Variants in BMPR1A observed in about 807,000 individuals in gnomAD.
BMPR1A encodes bone morphogenetic protein receptor type-1A.
A neutral mutation model predicts 66.0 loss-of-function variants in BMPR1A; 7 were observed. The observed-to-expected ratio is 0.11, with a 90% CI of 0.06 to 0.20. The LOEUF is 0.20. BMPR1A is among the 10% of genes least tolerant of loss of function. BMPR1A has a pLI of 1.00. For synonymous variants in BMPR1A, 200 were observed against 229.7 expected (o/e 0.87, Z 1.17); for missense variants, 408 against 669.1 (o/e 0.61, Z 4.31).
chr10:86,834,065 C>T (rs1204642807), intron 1 of BMPR1A, among the ~76,000 whole-genome samples: 1 of 152,122 alleles, frequency 6.6e-6, no homozygotes, highest in East Asian at 1.9e-4. Context: ...GTGTTTTTAC[C>T]TGGGTCTTTT....
At chr10:86,771,615 T>C (rs191175816) in intron 1 of BMPR1A, among the ~76,000 whole-genome samples, 117 of 152,322 alleles carry the variant, frequency 7.7e-4, no homozygotes, top group Non-Finnish European at 1.5e-3. Flanking sequence ...CACATAATTA[T>C]ATTGTCAAAT....
intron 1 of BMPR1A, among the ~76,000 whole-genome samples, chr10:86,760,969 AT>A (rs1841045869): frequency 6.6e-6 from 1 of 152,230 alleles, no homozygotes; most frequent in Non-Finnish European, 1.5e-5. Context: ...GAAGCCATTG[AT>A]TGTAAGGTGC....
chr10:86,760,571 A>C (rs1242946830), intron 1 of BMPR1A, among the ~76,000 whole-genome samples: 1 of 152,190 alleles, frequency 6.6e-6, no homozygotes, highest in African/African-American at 2.4e-5. Context: ...TAGTTTCACT[A>C]CTAGTTTGCA....
intron 1 of BMPR1A, among the ~76,000 whole-genome samples, chr10:86,792,924 A>T (rs976028929): frequency 1.3e-5 from 2 of 152,158 alleles, no homozygotes; most frequent in African/African-American, 4.8e-5. Context: ...TAGCACCTAT[A>T]TCAAGGAGTA....
chr10:86,865,309 C>T (rs1261729365), intron 2 of BMPR1A, among the ~76,000 whole-genome samples: 1 of 152,124 alleles, frequency 6.6e-6, no homozygotes, highest in Non-Finnish European at 1.5e-5. Context: ...TGAAAATGGC[C>T]AGTCCTTGCC....
intron 2 of BMPR1A, among the ~76,000 whole-genome samples, chr10:86,846,222 A>G (rs1842483639): frequency 6.6e-6 from 1 of 152,024 alleles, no homozygotes; most frequent in Non-Finnish European, 1.5e-5. Context: ...GTTAGCTGGC[A>G]TTTGGCAGTG....
chr10:86,835,749 T>A (rs565558469), intron 1 of BMPR1A, among the ~76,000 whole-genome samples: 2 of 152,178 alleles, frequency 1.3e-5, no homozygotes, highest in South Asian at 2.1e-4. Flanking sequence ...GCATGGGTAG[T>A]GAGCTTTAAA....
intron 2 of BMPR1A, among the ~76,000 whole-genome samples, chr10:86,864,691 C>G (rs1842757822): frequency 6.6e-6 from 1 of 152,178 alleles, no homozygotes; most frequent in Non-Finnish European, 1.5e-5. Context: ...TCCCCTTGGG[C>G]ACTCTCTAAT....
rs1397892484 is a variant in BMPR1A, at chr10:86,925,606, TAC to T, written c.*1889_*1890del. 5.0e-6 allele frequency: 1 copy of T among 199,696 alleles called. No homozygotes were observed. The highest frequency in any genetic ancestry group is 1.0e-5 in the Non-Finnish European group (1 of 97,070). 12.4% of individuals were successfully genotyped at this position (199,696 alleles called of 1,614,324 possible). On this transcript the variant is annotated 3_prime_UTR_variant, in exon 13 of 13. Coordinates refer to ENST00000372037, the MANE Select transcript of BMPR1A (RefSeq NM_004329.3). Reference sequence around the variant, plus strand: ...TTTTCACCATATGTATACTGAGAAATACAAATATTTTAATCTGCGTTGCCGTA... The same window carrying T: ...TTTTCACCATATGTATACTGAGAAATAAATATTTTAATCTGCGTTGCCGTA...
chr10:86,865,553 T>C (rs1264745662), intron 2 of BMPR1A, among the ~76,000 whole-genome samples: 1 of 152,212 alleles, frequency 6.6e-6, no homozygotes, highest in Admixed American at 6.5e-5. Context: ...AAGCTTTTAT[T>C]GCTCACACAA....
chr10:86,900,605 A>G (rs1327262331), intron 7 of BMPR1A, among the ~76,000 whole-genome samples: 1 of 152,212 alleles, frequency 6.6e-6, no homozygotes, highest in Admixed American at 6.5e-5. Context: ...GAAACAAGTT[A>G]GTAAACCCAT....
At chr10:86,802,729 C>T (rs575009419) in intron 1 of BMPR1A, among the ~76,000 whole-genome samples, 11 of 151,754 alleles carry the variant, frequency 7.2e-5, no homozygotes, top group African/African-American at 9.7e-5. Context: ...AGTAACTCAA[C>T]ACCAACTTGT....
rs1470884170 is a variant in BMPR1A, at chr10:86,927,696, TGTA to T, written c.*3981_*3983del. On this transcript the variant is annotated 3_prime_UTR_variant, in exon 13 of 13. Transcript: ENST00000372037. The stretch of plus-strand genomic sequence containing the variant: ...GTCCTGGCCCATTTAAAAACTAAAA[TGTA>T]GTATATATTGTATAAAATGGAAATA... 4 of 198,484 alleles carry T rather than the reference TGTA, an allele frequency of 2.0e-5. No homozygotes were observed. Among genetic ancestry groups the T allele is most frequent in the East Asian group, 8.0e-5 (1 of 12,572 alleles). The allele number at this position is 198,484 out of a possible 1,614,324, so 12.3% of individuals were successfully genotyped here.
At chr10:86,835,548 T>TTAAAAAAAAAAAAAAA (rs1564698905) in intron 1 of BMPR1A, among the ~76,000 whole-genome samples, 1 of 11,282 alleles carries the variant, frequency 8.9e-5, no homozygotes, top group Non-Finnish European at 1.6e-4. Flanking sequence ...AGACTCTGTA[T>TTAAAAAAAAAAAAAAA]CAAAAAAAAA....
chr10:86,858,351 ATTATTTTGTTCT>A (rs1842672558), intron 2 of BMPR1A, among the ~76,000 whole-genome samples: 1 of 152,172 alleles, frequency 6.6e-6, no homozygotes, highest in Non-Finnish European at 1.5e-5. Context: ...TGTTAAACTT[ATTATTTTGTTCT>A]TCAGTATTTT....
rs551493532 is a variant in BMPR1A, at chr10:86,862,310, G to C, written c.-152-13557G>C. ...TGGAAGGGGCAAGGCAGCAGTCCCG[G>C]GGAAGACCATTACAGGCATAGGGAT... On this transcript the variant is annotated intron_variant, in intron 2 of 12. Transcript: ENST00000372037. Among the ~76,000 whole-genome samples the C allele has an allele frequency of 1.3e-4, 20 of 152,276 alleles. No homozygotes were observed. In the East Asian group the frequency reaches 3.9e-3, roughly 29 times the overall value.
chr10:86,873,194 C>T (rs554756464), intron 2 of BMPR1A, among the ~76,000 whole-genome samples: 40 of 152,264 alleles, frequency 2.6e-4, no homozygotes, highest in African/African-American at 9.6e-4. Context: ...CAAGGCATAG[C>T]GGTCAGTCTC....
chr10:86,813,705 G>T (rs1425717766), intron 1 of BMPR1A, among the ~76,000 whole-genome samples: 1 of 152,102 alleles, frequency 6.6e-6, no homozygotes, highest in East Asian at 1.9e-4. Context: ...GTTGCCATTA[G>T]AACGCACACC....
At chr10:86,911,793 A>G (rs909158792) in intron 7 of BMPR1A, among the ~76,000 whole-genome samples, 1 of 149,258 alleles carries the variant, frequency 6.7e-6, no homozygotes, top group Admixed American at 6.7e-5. Context: ...CAGTTCACAG[A>G]AAAAAAAAAG....
Sources: allele counts gnomAD v4.1 joint callset (sites outside exome capture counted in the v4.1 genomes callset), GRCh38; gene constraint gnomAD v4.1.1; transcripts MANE v1.5; gene names NCBI Gene and HGNC (gene_info 2026-07-23, HGNC 2026-07-21).